The following RGPD2 variants were observed in gnomAD, a reference collection of about 807,000 sequenced individuals.
RGPD2 encodes the protein RANBP2 like and GRIP domain containing 2.
A neutral mutation model predicts 36.0 loss-of-function variants in RGPD2; 2 were observed. That is an observed-to-expected ratio of 0.06 (90% CI 0.02 to 0.17). The LOEUF (loss-of-function observed/expected upper bound fraction) is 0.17, where lower values mean the gene tolerates loss of function less well. RGPD2 is among the 10% of genes least tolerant of loss of function. The pLI is 1.00. For missense variants in RGPD2, 40 were observed against 464.3 expected (o/e 0.09, Z 8.40); for synonymous variants, 19 against 163.8 (o/e 0.12, Z 6.75).
intron 1 of RGPD2, among the ~76,000 whole-genome samples, chr2:87,824,409 C>G (rs1686516941): frequency 6.6e-6 from 1 of 152,068 alleles, no homozygotes; most frequent in African/African-American, 2.4e-5. Context: ...CTCCAAAACT[C>G]AGACATTCTA....
chr2:87,838,324 TACAA>T, the RGPD2 span, among the ~76,000 whole-genome samples: 9 of 78,098 alleles, frequency 1.2e-4, no homozygotes, highest in Non-Finnish European at 1.8e-4. Context: ...TTCAACACAA[TACAA>T]ACAAAGTTAA....
At chr2:87,966,147 A>G in the RGPD2 span, among the ~76,000 whole-genome samples, 1 of 152,134 alleles carries the variant, frequency 6.6e-6, no homozygotes, top group South Asian at 2.1e-4. Context: ...ATCTAAAGTG[A>G]CTTCCAGTGT....
chr2:87,881,261 C>A, the RGPD2 span, among the ~76,000 whole-genome samples: 1 of 152,006 alleles, frequency 6.6e-6, no homozygotes, highest in Non-Finnish European at 1.5e-5. Flanking sequence ...GTGGATCTAC[C>A]ACTCTGGGGG....
At chr2:87,989,810 T>G in the RGPD2 span, 2 of 1,339,238 alleles carry the variant, frequency 1.5e-6, no homozygotes, top group Non-Finnish European at 2.1e-6. Context: ...AATCCCTCAG[T>G]TCTGGAACTG....
intron 1 of RGPD2, chr2:87,825,208 T>A (rs570580030): frequency 1.0e-5 from 4 of 392,194 alleles, no homozygotes; most frequent in African/African-American, 2.1e-5. Flanking sequence ...CACCTCCAAA[T>A]ACCTCATCAA....
the RGPD2 span, among the ~76,000 whole-genome samples, chr2:87,911,234 A>G: frequency 8.0e-6 from 1 of 125,676 alleles, no homozygotes; most frequent in Admixed American, 8.7e-5. Flanking sequence ...CTTTATACAA[A>G]TCAAGGTTGA....
At chr2:87,915,400 TTA>T in the RGPD2 span, among the ~76,000 whole-genome samples, 1 of 142,384 alleles carries the variant, frequency 7.0e-6, no homozygotes, top group Non-Finnish European at 1.5e-5. Flanking sequence ...TATATGTATA[TTA>T]TATATATTGT....
chr2:87,847,737 T>G, the RGPD2 span, among the ~76,000 whole-genome samples: 1 of 148,214 alleles, frequency 6.7e-6, no homozygotes, highest in Non-Finnish European at 1.5e-5. Flanking sequence ...GATCTTGTGA[T>G]CCGACTGCCT....
chr2:87,825,802 GA>G, upstream of RGPD2: 1 of 1,454,394 alleles, frequency 6.9e-7, no homozygotes, highest in Non-Finnish European at 9.1e-7. Context: ...ATTCCAACAG[GA>G]AAGCGCCTGA....
chr2:87,873,179 T>A, the RGPD2 span, among the ~76,000 whole-genome samples: 1 of 151,844 alleles, frequency 6.6e-6, no homozygotes, highest in South Asian at 2.1e-4. Flanking sequence ...TCTCATTCCC[T>A]TTTTATGGCT....
chr2:87,837,233 C>A, the RGPD2 span, among the ~76,000 whole-genome samples: 2 of 150,864 alleles, frequency 1.3e-5, no homozygotes, highest in East Asian at 3.9e-4. Context: ...TAGACCTAAC[C>A]TCTACCAAAC....
At position 87,825,638 on chromosome 2, in the gene RGPD2, T is replaced by TCGAGG. The variant is rs1686770547; in HGVS notation, c.72+19_72+20insCCTCG. 6.5e-7 allele frequency: 1 copy of TCGAGG among 1,532,974 alleles called. No individual in the cohort carries two copies. The highest frequency in any genetic ancestry group is 1.5e-5 in the African/African-American group (1 of 66,798). The allele number at this position is 1,532,974 out of a possible 1,614,324, so 95.0% of individuals were successfully genotyped here. A position where few individuals can be genotyped will look rare whatever the true frequency, so the allele number is the denominator to read the frequency against. On this transcript the variant is annotated intron_variant, in intron 1 of 22. Transcript: ENST00000398146. ...CGCCCGGCCAGGTCGAGGCCGTCGG[T>TCGAGG]CTCTTCGAGATCCACTCACCTTTCC...
the RGPD2 span, among the ~76,000 whole-genome samples, chr2:87,935,448 C>T: frequency 6.8e-6 from 1 of 146,338 alleles, no homozygotes; most frequent in East Asian, 2.1e-4. Flanking sequence ...TTCATTGCTG[C>T]AGTGGTATAA....
the RGPD2 span, among the ~76,000 whole-genome samples, chr2:87,886,242 AT>A: frequency 2.0e-5 from 3 of 151,820 alleles, no homozygotes; most frequent in Admixed American, 2.0e-4. Flanking sequence ...AGATATCCTC[AT>A]GACTTTCCTC....
the RGPD2 span, among the ~76,000 whole-genome samples, chr2:87,974,924 C>G: frequency 1.3e-5 from 2 of 152,066 alleles, no homozygotes; most frequent in Non-Finnish European, 2.9e-5. Context: ...TACCATATAC[C>G]ATAGAGGATC....
At chr2:87,884,019 G>A in the RGPD2 span, among the ~76,000 whole-genome samples, 10 of 152,110 alleles carry the variant, frequency 6.6e-5, no homozygotes, top group Admixed American at 1.3e-4. Context: ...CACAAGGAAC[G>A]TTCTCCAGGA....
chr2:87,807,417 C>G (rs1428632237), intron 6 of RGPD2, among the ~76,000 whole-genome samples: 40 of 121,124 alleles, frequency 3.3e-4, no homozygotes, highest in African/African-American at 1.1e-3. Context: ...GACAGAGTCT[C>G]TCACTATCGC....
At chr2:87,963,982 C>T in the RGPD2 span, among the ~76,000 whole-genome samples, 3 of 149,292 alleles carry the variant, frequency 2.0e-5, 1 homozygote, top group East Asian at 2.0e-4. Flanking sequence ...ATTACAGGTA[C>T]GTGCCATCAC....
chr2:87,929,170 T>A, the RGPD2 span, among the ~76,000 whole-genome samples: 2 of 151,862 alleles, frequency 1.3e-5, no homozygotes, highest in Non-Finnish European at 2.9e-5. Flanking sequence ...TTCCAGGGTT[T>A]TTTTTATAGT....
Sources: gnomAD v4.1 joint callset for allele counts (sites outside exome capture counted in the v4.1 genomes callset) on GRCh38, gnomAD v4.1.1 for gene constraint, MANE v1.5 for transcripts, NCBI Gene and HGNC (gene_info 2026-07-23, HGNC 2026-07-21) for gene names.